The following PIWIL1 variants were observed in gnomAD, a reference collection of about 807,000 sequenced individuals.
The protein encoded by PIWIL1 is piwi like RNA-mediated gene silencing 1, also known as piwi-like protein 1.
A neutral mutation model predicts 114.4 loss-of-function variants in PIWIL1; 73 were observed. The observed-to-expected ratio is 0.64, with a 90% CI of 0.53 to 0.78. The LOEUF is 0.78. Among genes scored for constraint, PIWIL1 ranks in the 30% least tolerant of loss-of-function variants. The probability of loss-of-function intolerance (pLI) is 0.00; values close to 1 mark genes in which losing one functional copy is unlikely to be tolerated. For missense variants in PIWIL1, 723 were observed against 1,063.1 expected (o/e 0.68, Z 4.45); for synonymous variants, 375 against 369.0 (o/e 1.02, Z -0.19).
chr12:130,409,332 CTTTTTTTTTTTTTT>C, the PIWIL1 span, among the ~76,000 whole-genome samples: 4 of 65,384 alleles, frequency 6.1e-5, no homozygotes, highest in Non-Finnish European at 1.2e-4. Context: ...CAAAATGTAG[CTTTTTTTTTTTTTT>C]TTTTTTTTTT....
the PIWIL1 span, among the ~76,000 whole-genome samples, chr12:130,418,666 G>T: frequency 1.3e-5 from 2 of 152,192 alleles, no homozygotes; most frequent in African/African-American, 4.8e-5. Context: ...ACGTGCAGAG[G>T]GGTCAGGGGC....
At chr12:130,422,456 T>C in the PIWIL1 span, 18 of 1,606,148 alleles carry the variant, frequency 1.1e-5, no homozygotes, top group Non-Finnish European at 1.4e-5. The surrounding 1 kb of genome is among the most constrained non-coding windows in gnomAD (Gnocchi z 5.2). Flanking sequence ...CACTAACCGA[T>C]GGATGGGACT....
chr12:130,396,735 A>C, the PIWIL1 span: 1 of 152,662 alleles, frequency 6.6e-6, no homozygotes, highest in Non-Finnish European at 1.5e-5. Context: ...ATGATTGAGT[A>C]AACATTTTCT....
At chr12:130,421,823 T>C in the PIWIL1 span, among the ~76,000 whole-genome samples, 1 of 152,154 alleles carries the variant, frequency 6.6e-6, no homozygotes, top group Non-Finnish European at 1.5e-5. Flanking sequence ...ATTCCAATAA[T>C]AGAAGTATCC....
At chr12:130,401,903 A>G in the PIWIL1 span, among the ~76,000 whole-genome samples, 1 of 152,012 alleles carries the variant, frequency 6.6e-6, no homozygotes, top group Non-Finnish European at 1.5e-5. Context: ...TTATGCACAC[A>G]TCTCCGCTGG....
the PIWIL1 span, among the ~76,000 whole-genome samples, chr12:130,391,754 G>A: frequency 2.0e-5 from 3 of 151,156 alleles, no homozygotes; most frequent in Admixed American, 1.3e-4. Flanking sequence ...ATGGAGAAGG[G>A]CCAGAGAGGG....
chr12:130,344,218 A>T (rs1287940427), intron 3 of PIWIL1, among the ~76,000 whole-genome samples: 1 of 152,084 alleles, frequency 6.6e-6, no homozygotes, highest in Non-Finnish European at 1.5e-5. Flanking sequence ...TTAAGGAAAA[A>T]TATCAGCCTT....
chr12:130,393,760 G>T, the PIWIL1 span, among the ~76,000 whole-genome samples: 1 of 152,120 alleles, frequency 6.6e-6, no homozygotes, highest in Non-Finnish European at 1.5e-5. Flanking sequence ...TCCTAGAAAT[G>T]AGATTCAGTT....
At chr12:130,388,145 G>T in the PIWIL1 span, among the ~76,000 whole-genome samples, 20,906 of 151,982 alleles carry the variant, frequency 0.14, 1,759 homozygotes, top group African/African-American at 0.22. Context: ...TTTGAGTCTC[G>T]CTCTGTCACC....
intron 9 of PIWIL1, among the ~76,000 whole-genome samples, chr12:130,350,454 A>G (rs1378568590): frequency 6.6e-6 from 1 of 152,248 alleles, no homozygotes; most frequent in East Asian, 1.9e-4. Context: ...TTGTTAGCAC[A>G]GGCTAGATCA....
chr12:130,373,178 T>C (rs143060540), downstream of PIWIL1, among the ~76,000 whole-genome samples: 1,010 of 152,372 alleles, frequency 6.6e-3, 10 homozygotes, highest in Middle Eastern at 0.054. Flanking sequence ...CAGAACAGTG[T>C]GACCTTCAAA....
chr12:130,338,986 G>A (rs2072812813), intron 1 of PIWIL1, among the ~76,000 whole-genome samples: 1 of 151,900 alleles, frequency 6.6e-6, no homozygotes, highest in African/African-American at 2.4e-5. Context: ...TGAGACTGCG[G>A]GGACCTGAGA....
chr12:130,424,473 C>CCAAACCGCG, the PIWIL1 span: 2 of 1,232,014 alleles, frequency 1.6e-6, no homozygotes, highest in Non-Finnish European at 2.0e-6. The surrounding 1 kb of genome is among the most constrained non-coding windows in gnomAD (Gnocchi z 9.8). Flanking sequence ...GTTTCCGAAG[C>CCAAACCGCG]CAAACCGCGA....
the PIWIL1 span, among the ~76,000 whole-genome samples, chr12:130,407,172 C>G: frequency 6.6e-6 from 1 of 152,178 alleles, no homozygotes; most frequent in East Asian, 1.9e-4. Flanking sequence ...CTTGTCAGAG[C>G]AAAGTACTGT....
intron 4 of PIWIL1, 34 bp downstream of exon 4, chr12:130,345,912 C>A (rs2073056125): frequency 4.4e-6 from 7 of 1,607,454 alleles, no homozygotes; most frequent in Non-Finnish European, 6.0e-6. Context: ...TGTGAGATTA[C>A]ATCTCAGGAA....
At chr12:130,367,674 C>T (rs551774148) in intron 19 of PIWIL1, among the ~76,000 whole-genome samples, 3 of 152,300 alleles carry the variant, frequency 2.0e-5, no homozygotes, top group South Asian at 2.1e-4. Context: ...AGTAAAGTGG[C>T]TTCTGAGCCG....
At chr12:130,352,665 C>G (rs1384194158) in intron 9 of PIWIL1, among the ~76,000 whole-genome samples, 1 of 152,174 alleles carries the variant, frequency 6.6e-6, no homozygotes, top group African/African-American at 2.4e-5. Context: ...GAATGAAACT[C>G]TGTCTCAAAT....
chr12:130,348,053 C>T lies in PIWIL1; in HGVS notation c.654-50C>T, dbSNP rs780594399. 37 of 1,223,888 alleles carry T rather than the reference C, an allele frequency of 3.0e-5. No individual in the cohort carries two copies. In the Middle Eastern group the frequency reaches 4.2e-3, roughly 138 times the overall value. 75.8% of individuals were successfully genotyped at this position (1,223,888 alleles called of 1,614,324 possible). A position where few individuals can be genotyped will look rare whatever the true frequency, so the allele number is the denominator to read the frequency against. On this transcript the variant is annotated intron_variant, in intron 6 of 20. Coordinates refer to ENST00000245255, the MANE Select transcript of PIWIL1 (RefSeq NM_004764.5). The stretch of plus-strand genomic sequence containing the variant: ...CTAAACGACATGCTGTTCTGATTGT[C>T]GTATTAGAGATACTTATCAATATTC...
the PIWIL1 span, among the ~76,000 whole-genome samples, chr12:130,416,334 G>A: frequency 1.1e-3 from 168 of 152,224 alleles, no homozygotes; most frequent in African/African-American, 3.9e-3. Flanking sequence ...ATACTATAAG[G>A]CTACAGTCAC....
Sources: allele counts gnomAD v4.1 joint callset (sites outside exome capture counted in the v4.1 genomes callset), GRCh38; gene constraint gnomAD v4.1.1; non-coding constraint Gnocchi (gnomAD v3.1); transcripts MANE v1.5; gene names NCBI Gene and HGNC (gene_info 2026-07-23, HGNC 2026-07-21).